Variants in KLHL18 observed in about 807,000 individuals in gnomAD.
The protein encoded by KLHL18 is kelch like family member 18, also known as kelch-like protein 18.
KLHL18 carries 38 observed loss-of-function variants against 58.5 expected under a neutral mutation model. That is an observed-to-expected ratio of 0.65 (90% CI 0.50 to 0.85). The LOEUF (loss-of-function observed/expected upper bound fraction) is 0.85, where lower values mean the gene tolerates loss of function less well. Among genes scored for constraint, KLHL18 ranks in the 40% least tolerant of loss-of-function variants. The pLI is 0.00. For synonymous variants in KLHL18, 303 were observed against 301.9 expected, an observed-to-expected ratio of 1.00 and a Z score of -0.04; for missense variants, 624 against 778.4, an observed-to-expected ratio of 0.80 and a Z score of 2.36.
chr3:47,308,865 A>C (rs1259707856), intron 1 of KLHL18, among the ~76,000 whole-genome samples: 2 of 152,010 alleles, frequency 1.3e-5, no homozygotes, highest in African/African-American at 4.8e-5. Flanking sequence ...GAAGGTCAGC[A>C]GACAAACAAG....
At chr3:47,300,507 C>T (rs933651372) in intron 1 of KLHL18, among the ~76,000 whole-genome samples, 33 of 150,098 alleles carry the variant, frequency 2.2e-4, no homozygotes, top group Non-Finnish European at 3.3e-4. Flanking sequence ...GGCTCAAGAC[C>T]AGCTGGGATT....
At chr3:47,288,545 G>T (rs1702725779) in intron 1 of KLHL18, among the ~76,000 whole-genome samples, 1 of 152,140 alleles carries the variant, frequency 6.6e-6, no homozygotes, top group Non-Finnish European at 1.5e-5. Context: ...GGGAGAACGT[G>T]AAAATAAATA....
intron 1 of KLHL18, among the ~76,000 whole-genome samples, chr3:47,284,241 T>C (rs1702592846): frequency 6.6e-6 from 1 of 151,512 alleles, no homozygotes; most frequent in African/African-American, 2.4e-5. Context: ...CTCCTATTTC[T>C]CTCTGTCTCT....
intron 1 of KLHL18, among the ~76,000 whole-genome samples, chr3:47,304,978 TG>T (rs1401004784): frequency 1.3e-5 from 2 of 151,526 alleles, no homozygotes; most frequent in Non-Finnish European, 2.9e-5. Flanking sequence ...GAACTAAGAT[TG>T]GATCACTGCA....
chr3:47,309,349 C>T (rs1394815184), intron 1 of KLHL18, among the ~76,000 whole-genome samples: 31 of 150,686 alleles, frequency 2.1e-4, no homozygotes, highest in African/African-American at 6.3e-4. Context: ...GGGCAGCTGC[C>T]GGGCGGAGGG....
In KLHL18 at chr3:47,343,729, T is replaced by C. The variant is rs1295690344; in HGVS notation, c.1513T>C (p.Cys505Arg). 6.2e-7 allele frequency: 1 copy of C among 1,614,192 alleles called. No individual in the cohort carries two copies. The highest frequency in any genetic ancestry group is 2.2e-5 in the East Asian group (1 of 44,888). ...EMYSSVADQWCLIVPMHTRRS... is the reference protein window; with the variant it reads ...EMYSSVADQWRLIVPMHTRRS... ...GTACAGCTCTGTGGCAGACCAGTGG[T>C]GCCTGATTGTCCCCATGCACACGCG... Residue 505 changes from cysteine (C) to arginine (R), a missense_variant, in exon 10 of 10, where the codon TGC becomes CGC. By Grantham distance (180) the Cys-to-Arg change is radical (BLOSUM62 -3). Transcript: ENST00000232766.
At chr3:47,322,293 C>T (rs1014349259) in intron 2 of KLHL18, among the ~76,000 whole-genome samples, 4 of 152,094 alleles carry the variant, frequency 2.6e-5, no homozygotes, top group African/African-American at 7.2e-5. Context: ...TGCATGTTGG[C>T]GATCAAGGAC....
intron 7 of KLHL18, chr3:47,337,943 T>C (rs1165017990): frequency 6.6e-6 from 1 of 152,270 alleles, no homozygotes; most frequent in Non-Finnish European, 1.5e-5. Context: ...CTTGCTTTGA[T>C]GTTACTGGGT....
intron 1 of KLHL18, among the ~76,000 whole-genome samples, chr3:47,318,099 A>G (rs1703497521): frequency 6.6e-6 from 1 of 152,150 alleles, no homozygotes. Context: ...ATCCACCCTC[A>G]AGCAATCCAC....
chr3:47,320,573 T>C (rs1465655377), intron 2 of KLHL18, among the ~76,000 whole-genome samples: 1 of 152,084 alleles, frequency 6.6e-6, no homozygotes, highest in African/African-American at 2.4e-5. Context: ...CTCTAGATGA[T>C]CAAAGTGCCC....
At chr3:47,287,621 G>T (rs902816495) in intron 1 of KLHL18, among the ~76,000 whole-genome samples, 1 of 151,972 alleles carries the variant, frequency 6.6e-6, no homozygotes, top group Admixed American at 6.6e-5. Context: ...GAGTAGCTGG[G>T]ATTATAGCTA....
intron 1 of KLHL18, among the ~76,000 whole-genome samples, chr3:47,289,555 C>T (rs1702746979): frequency 6.6e-6 from 1 of 152,128 alleles, no homozygotes; most frequent in Non-Finnish European, 1.5e-5. Flanking sequence ...TGATGCATAC[C>T]ATTTTTATGT....
chr3:47,302,642 A>G (rs1703051796), intron 1 of KLHL18, among the ~76,000 whole-genome samples: 1 of 152,358 alleles, frequency 6.6e-6, no homozygotes, highest in Admixed American at 6.5e-5. Context: ...CCCTGGTGGC[A>G]GAGGCGGAAG....
chr3:47,342,883 T>G lies in KLHL18; in HGVS notation c.1338+53T>G, dbSNP rs576743012. ...GGTACCTACTTCTGTCTTTGAGATT[T>G]ATTTTAGAAGATCATTATTTGAAAA... On this transcript the variant is annotated intron_variant, in intron 9 of 9. Transcript: ENST00000232766. 73 of 1,339,108 alleles carry G rather than the reference T, an allele frequency of 5.5e-5. No individual in the cohort carries two copies. In the African/African-American group the frequency reaches 9.9e-4, roughly 18 times the overall value. The allele number at this position is 1,339,108 out of a possible 1,614,324, so 83.0% of individuals were successfully genotyped here.
chr3:47,313,019 C>G (rs909040966), intron 1 of KLHL18, among the ~76,000 whole-genome samples: 2 of 150,780 alleles, frequency 1.3e-5, no homozygotes, highest in Non-Finnish European at 2.9e-5. Flanking sequence ...ACGCCATTCT[C>G]CTGCCTCAGC....
intron 1 of KLHL18, among the ~76,000 whole-genome samples, chr3:47,308,550 C>T (rs963794485): frequency 2.0e-5 from 3 of 152,174 alleles, no homozygotes; most frequent in Non-Finnish European, 4.4e-5. Flanking sequence ...GCCACCACAC[C>T]TGGCTAATTT....
chr3:47,294,839 T>G (rs1042909968), intron 1 of KLHL18, among the ~76,000 whole-genome samples: 15 of 152,222 alleles, frequency 9.9e-5, no homozygotes, highest in African/African-American at 3.4e-4. Context: ...TGCGTTTTGC[T>G]TGCACTTTCC....
chr3:47,309,663 G>A (rs1416772509), intron 1 of KLHL18, among the ~76,000 whole-genome samples: 1 of 152,030 alleles, frequency 6.6e-6, no homozygotes, highest in Non-Finnish European at 1.5e-5. Flanking sequence ...GGGAGGTGGA[G>A]GTTGTAGCTA....
chr3:47,292,502 G>A (rs530193823), intron 1 of KLHL18, among the ~76,000 whole-genome samples: 8 of 151,452 alleles, frequency 5.3e-5, no homozygotes, highest in Non-Finnish European at 7.4e-5. Context: ...CAAAAAATAA[G>A]CTCAAGAACA....
Sources: allele counts gnomAD v4.1 joint callset (sites outside exome capture counted in the v4.1 genomes callset), GRCh38; gene constraint gnomAD v4.1.1; transcripts MANE v1.5; gene names NCBI Gene and HGNC (gene_info 2026-07-23, HGNC 2026-07-21).